Variants in COL14A1 observed in about 807,000 individuals in gnomAD.
COL14A1 encodes collagen alpha-1(XIV) chain.
A neutral mutation model predicts 230.3 loss-of-function variants in COL14A1; 136 were observed. The observed-to-expected ratio is 0.59, with a 90% confidence interval of 0.51 to 0.68. The LOEUF (loss-of-function observed/expected upper bound fraction) is 0.68. Among genes scored for constraint, COL14A1 ranks in the 30% least tolerant of loss-of-function variants. The pLI is 0.00. For missense variants in COL14A1, 1,976 were observed against 2,215.8 expected (o/e 0.89, Z 2.17); for synonymous variants, 792 against 784.1 (o/e 1.01, Z -0.17).
Position 120,228,744 on chromosome 8 carries a change from A to G in COL14A1, c.2172A>G (p.Ile724Met). Residue 724 changes from isoleucine to methionine, a missense_variant, in exon 18 of 48, where the codon ATA becomes ATG. Around this residue, in one of 3 missense-constraint regions of COL14A1, gnomAD observed 1,791 missense variants for 2,019.5 expected, o/e 0.89. Transcript: ENST00000297848. ...DSFWTEPATT[I>M]VPTTSVTSVF... ...TTTGGACAGAACCAGCTACAACCAT[A>G]GTGCCTACCACATCTGTGACTTCAG... 1 of 1,613,992 alleles carries G rather than the reference A, an allele frequency of 6.2e-7. No individual in the cohort carries two copies. The highest frequency in any genetic ancestry group is 8.5e-7 in the Non-Finnish European group (1 of 1,179,890).
At chr8:120,141,333 A>C (rs980439088) in intron 1 of COL14A1, among the ~76,000 whole-genome samples, 4 of 152,162 alleles carry the variant, frequency 2.6e-5, no homozygotes, top group Admixed American at 2.6e-4. Context: ...GCTTGAGCCC[A>C]GGAGTTCGAG....
chr8:120,133,210 C>T (rs1029399351), intron 1 of COL14A1, among the ~76,000 whole-genome samples: 5 of 146,512 alleles, frequency 3.4e-5, no homozygotes, highest in African/African-American at 1.0e-4. Context: ...AGCGAAACTC[C>T]GTCTCAAACA....
chr8:120,373,226 A>T lies in COL14A1; in HGVS notation c.*1995A>T, dbSNP rs1812219205. ...TATAAATGGCGAAGTATACACTATGAGAGATTCTAATCCATTCACATCATT... is the reference window on the plus strand; with the variant it reads ...TATAAATGGCGAAGTATACACTATGTGAGATTCTAATCCATTCACATCATT... On this transcript the variant is annotated 3_prime_UTR_variant, in exon 48 of 48. Coordinates refer to ENST00000297848, the MANE Select transcript of COL14A1 (RefSeq NM_021110.4). Among the ~76,000 whole-genome samples, 1 of 152,216 alleles carries T rather than the reference A, an allele frequency of 6.6e-6. No individual in the cohort carries two copies. Among genetic ancestry groups the T allele is most frequent in the Non-Finnish European group, 1.5e-5 (1 of 68,030 alleles).
chr8:120,233,018 G>A (rs1818325595), intron 19 of COL14A1, among the ~76,000 whole-genome samples: 2 of 152,300 alleles, frequency 1.3e-5, no homozygotes. Context: ...AATGACCAAC[G>A]ATGATGAGCT....
At chr8:120,212,623 C>T (rs1817646432) in intron 13 of COL14A1, 46 bp downstream of exon 13, 9 of 1,607,142 alleles carry the variant, frequency 5.6e-6, no homozygotes, top group Middle Eastern at 1.7e-4. Flanking sequence ...TAAAAGCCCA[C>T]ATGAATGTGG....
At position 120,294,589 on chromosome 8, in the gene COL14A1, T is replaced by C. The variant is rs1051755877; in HGVS notation, c.4237-2922T>C. ...TCTTGCATTTTAAGGTACTCAAATATGAGATCTTTGACATACCACCTTGTA... is the reference window on the plus strand; with the variant it reads ...TCTTGCATTTTAAGGTACTCAAATACGAGATCTTTGACATACCACCTTGTA... On this transcript the variant is annotated intron_variant, in intron 34 of 47. Transcript: ENST00000297848. Among the ~76,000 whole-genome samples, 20 of 7,600 alleles carry C rather than the reference T, an allele frequency of 2.6e-3. No homozygotes were observed. In the African/African-American group the frequency reaches 0.036, roughly 14 times the overall value. 5.0% of individuals were successfully genotyped at this position (7,600 alleles called of 152,430 possible). A position where few individuals can be genotyped will look rare whatever the true frequency, so the allele number is the denominator to read the frequency against.
At chr8:120,273,265 G>A (rs1283211771) in intron 26 of COL14A1, among the ~76,000 whole-genome samples, 1 of 151,522 alleles carries the variant, frequency 6.6e-6, no homozygotes, top group East Asian at 1.9e-4. Context: ...TACACAAGTT[G>A]TCAAAACCTC....
chr8:120,321,492 A>G (rs986500108), intron 40 of COL14A1, among the ~76,000 whole-genome samples: 1 of 152,058 alleles, frequency 6.6e-6, no homozygotes, highest in Non-Finnish European at 1.5e-5. Flanking sequence ...TACGAAAAAA[A>G]AATAGCTTGG....
intron 40 of COL14A1, among the ~76,000 whole-genome samples, chr8:120,319,715 T>G (rs1201306204): frequency 5.3e-5 from 8 of 152,260 alleles, no homozygotes; most frequent in Non-Finnish European, 2.9e-5. Context: ...TCTTTGACTC[T>G]TAGAGGTAGC....
rs374151723 is a variant in COL14A1, at chr8:120,208,222, C to T, written c.1192-10C>T. On this transcript the variant is annotated splice_polypyrimidine_tract_variant and intron_variant, in intron 10 of 47. Coordinates refer to ENST00000297848, the MANE Select transcript of COL14A1 (RefSeq NM_021110.4). ...CCATACTCTCATTACTCAAACTGTT[C>T]TTTAAACAGGTGGTGGTAGATGGAA... The T allele has an allele frequency of 8.7e-6, 14 of 1,601,948 alleles. No individual in the cohort carries two copies. Among genetic ancestry groups the T allele is most frequent in the Middle Eastern group, 1.7e-4 (1 of 6,016 alleles).
At chr8:120,340,909 T>G (rs751317914) in intron 42 of COL14A1, among the ~76,000 whole-genome samples, 1 of 152,190 alleles carries the variant, frequency 6.6e-6, no homozygotes, top group Non-Finnish European at 1.5e-5. Flanking sequence ...TTTGGAGATA[T>G]TCCTTTAAAA....
At chr8:120,231,437 T>C in intron 18 of COL14A1, 30 bp from the exon 19 acceptor site, 1 of 1,606,370 alleles carries the variant, frequency 6.2e-7, no homozygotes, top group Non-Finnish European at 8.5e-7. Flanking sequence ...ATGTTAAAAG[T>C]TTTTTAATCC....
At chr8:120,361,364 T>G (rs1586898776) in intron 45 of COL14A1, among the ~76,000 whole-genome samples, 1 of 152,216 alleles carries the variant, frequency 6.6e-6, no homozygotes, top group Non-Finnish European at 1.5e-5. Flanking sequence ...ACTACGTGTT[T>G]TCCATTCCTG....
chr8:120,276,336 A>G (rs1819844105), intron 26 of COL14A1, among the ~76,000 whole-genome samples: 1 of 150,104 alleles, frequency 6.7e-6, no homozygotes, highest in Admixed American at 6.7e-5. Context: ...ACAGGGTGGT[A>G]TAATGGACTT....
chr8:120,303,710 G>A (rs1379980520), intron 36 of COL14A1, among the ~76,000 whole-genome samples: 1 of 152,106 alleles, frequency 6.6e-6, no homozygotes, highest in East Asian at 1.9e-4. Flanking sequence ...TTCTGTTGTT[G>A]TGTCTCTTCC....
At chr8:120,263,263 A>G (rs1001059171) in intron 24 of COL14A1, among the ~76,000 whole-genome samples, 3 of 152,192 alleles carry the variant, frequency 2.0e-5, no homozygotes, top group Admixed American at 6.5e-5. Context: ...CACGATAGTA[A>G]AGCAGTTGAG....
chr8:120,266,761 A>T, intron 24 of COL14A1, 66 bp from the exon 25 acceptor site: 1 of 1,310,186 alleles, frequency 7.6e-7, no homozygotes, highest in South Asian at 1.2e-5. Context: ...TTATTACTCC[A>T]TGACCTTCCG....
intron 1 of COL14A1, among the ~76,000 whole-genome samples, chr8:120,125,911 A>G (rs1274939030): frequency 1.3e-5 from 2 of 152,090 alleles, no homozygotes; most frequent in African/African-American, 4.8e-5. Flanking sequence ...CGCAAAGGGA[A>G]ACAGCTAGGT....
intron 20 of COL14A1, among the ~76,000 whole-genome samples, chr8:120,244,874 C>G (rs181657954): frequency 2.5e-4 from 38 of 152,252 alleles, no homozygotes; most frequent in Admixed American, 5.9e-4. Flanking sequence ...TTTAGGCCTC[C>G]CAATGGCTTC....
Sources: allele counts gnomAD v4.1 joint callset (sites outside exome capture counted in the v4.1 genomes callset), GRCh38; gene constraint gnomAD v4.1.1; regional missense constraint gnomAD v4.1.1; transcripts MANE v1.5; gene names NCBI Gene and HGNC (gene_info 2026-07-23, HGNC 2026-07-21).